The following EPB41L2 variants were observed in gnomAD, a reference collection of about 807,000 sequenced individuals.
EPB41L2 encodes the protein erythrocyte membrane protein band 4.1 like 2.
Under a neutral mutation model 113.0 loss-of-function variants are expected in EPB41L2, and 43 were observed. The ratio of observed to expected loss-of-function variants is 0.38; its 90% CI spans 0.30 to 0.49. EPB41L2 has a LOEUF of 0.49. EPB41L2 is among the 20% of genes least tolerant of loss of function. The pLI is 0.95. For missense variants in EPB41L2, 1,147 were observed against 1,223.4 expected (o/e 0.94, Z 0.93); for synonymous variants, 442 against 436.7 (o/e 1.01, Z -0.15).
chr6:130,862,105 T>G (rs1406621515), intron 18 of EPB41L2, among the ~76,000 whole-genome samples: 1 of 152,234 alleles, frequency 6.6e-6, no homozygotes, highest in Admixed American at 6.5e-5. Context: ...GATTGTGTTT[T>G]TAATATTTGC....
At chr6:131,010,506 G>A (rs1786685645) in intron 1 of EPB41L2, among the ~76,000 whole-genome samples, 1 of 151,122 alleles carries the variant, frequency 6.6e-6, no homozygotes, top group Non-Finnish European at 1.5e-5. Context: ...TCTGCCTCCT[G>A]GGTTCAGGTA....
chr6:131,038,839 T>C (rs1207400769), intron 1 of EPB41L2, among the ~76,000 whole-genome samples: 1 of 152,184 alleles, frequency 6.6e-6, no homozygotes, highest in Non-Finnish European at 1.5e-5. Flanking sequence ...AAAAGAGTCA[T>C]GATAGTGACT....
Position 130,955,153 on chromosome 6 carries a change from C to T in EPB41L2, c.657G>A (p.Gln219=). 1 of 1,614,182 alleles carries T rather than the reference C, an allele frequency of 6.2e-7. No homozygotes were observed. ...QKVTKKTKTV[Q]CKVTLLDGTE... ...TGCCATCTAAGAGGGTCACTTTACA[C>T]TGGACAGTTTTGGTCTTCTTGGTGA... Residue 219 remains glutamine, a synonymous_variant, in exon 3 of 20, where the codon CAG becomes CAA. Transcript: ENST00000337057.
intron 1 of EPB41L2, among the ~76,000 whole-genome samples, chr6:130,975,247 G>A (rs896302092): frequency 3.9e-5 from 6 of 152,132 alleles, no homozygotes; most frequent in South Asian, 4.2e-4. Flanking sequence ...GTCATGTTTC[G>A]ACAATGTCTC....
At chr6:131,046,210 A>G (rs555698480) in intron 1 of EPB41L2, among the ~76,000 whole-genome samples, 134 of 151,478 alleles carry the variant, frequency 8.8e-4, no homozygotes, top group Non-Finnish European at 1.6e-3. Flanking sequence ...ACGAGCCACT[A>G]TGCCCTGGCT....
Position 130,894,324 on chromosome 6 carries a change from A to C in EPB41L2, c.1487+20T>G, listed in dbSNP as rs181405713. 6.2e-7 allele frequency: 1 copy of C among 1,600,604 alleles called. No homozygotes were observed. The highest frequency in any genetic ancestry group is 1.7e-5 in the Admixed American group (1 of 59,962). ...CATGTGCGATCATGCCCGGCTTCCG[A>C]GCTGTTTTCCTAAAATTACCTGTAG... On this transcript the variant is annotated intron_variant, in intron 10 of 19. Coordinates refer to ENST00000337057, the MANE Select transcript of EPB41L2 (RefSeq NM_001431.4).
In EPB41L2 at chr6:130,974,717, C is replaced by CTTTTTTTTTTTTTTTTTTTTTTTT. The variant is rs71030723; in HGVS notation, c.-14-18242_-14-18219dup. On this transcript the variant is annotated intron_variant, in intron 1 of 19. Transcript: ENST00000337057. ...GGCAGCCTCTTTTTTCTTTTCTTTT[C>CTTTTTTTTTTTTTTTTTTTTTTTT]TTTTTTTTTTTTTTTTTTTTTTTTT... 2.0e-3 allele frequency among the ~76,000 whole-genome samples: 129 copies of CTTTTTTTTTTTTTTTTTTTTTTTT among 64,660 alleles called. 18 individuals are homozygous for CTTTTTTTTTTTTTTTTTTTTTTTT. Among genetic ancestry groups the CTTTTTTTTTTTTTTTTTTTTTTTT allele is most frequent in the Non-Finnish European group, 2.7e-3 (100 of 36,686 alleles). 42.4% of individuals were successfully genotyped at this position (64,660 alleles called of 152,430 possible).
chr6:130,938,810 A>G (rs950822207), intron 3 of EPB41L2, among the ~76,000 whole-genome samples: 11 of 152,210 alleles, frequency 7.2e-5, no homozygotes, highest in Non-Finnish European at 1.3e-4. Flanking sequence ...AGTACAGGTA[A>G]TTCACACACT....
At chr6:130,932,918 A>G (rs1807400730) in intron 3 of EPB41L2, among the ~76,000 whole-genome samples, 1 of 152,234 alleles carries the variant, frequency 6.6e-6, no homozygotes, top group Admixed American at 6.5e-5. Flanking sequence ...TGGACTACCA[A>G]CCCATAATGT....
chr6:130,845,446 T>C (rs113975537), intron 19 of EPB41L2, among the ~76,000 whole-genome samples: 1,572 of 152,192 alleles, frequency 0.01, 36 homozygotes, highest in African/African-American at 0.036. Flanking sequence ...GGTGCAATCA[T>C]AGCTCACTGC....
intron 3 of EPB41L2, among the ~76,000 whole-genome samples, chr6:130,948,176 C>T (rs1035992426): frequency 6.6e-6 from 1 of 152,120 alleles, no homozygotes; most frequent in African/African-American, 2.4e-5. Context: ...TAAATTAATA[C>T]AGTCATAAAA....
At chr6:131,062,441 G>A (rs1029086879) in intron 1 of EPB41L2, 2 of 152,006 alleles carry the variant, frequency 1.3e-5, no homozygotes, top group Non-Finnish European at 2.9e-5. Context: ...GCCATCTGTG[G>A]TGAGATGGCC....
chr6:130,848,199 T>TCACACACACACACACA (rs66469665), intron 19 of EPB41L2, among the ~76,000 whole-genome samples: 1 of 113,506 alleles, frequency 8.8e-6, no homozygotes, highest in African/African-American at 4.0e-5. Flanking sequence ...TCTCTCTCTC[T>TCACACACACACACACA]CACACACACA....
At chr6:131,029,391 T>TA (rs757528439) in intron 1 of EPB41L2, among the ~76,000 whole-genome samples, 6,415 of 119,332 alleles carry the variant, frequency 0.054, 274 homozygotes, top group East Asian at 0.098. Flanking sequence ...AGCATTTGTT[T>TA]AAAAAAAAAA....
At chr6:130,874,954 G>T (rs565341564) in intron 14 of EPB41L2, among the ~76,000 whole-genome samples, 4 of 152,278 alleles carry the variant, frequency 2.6e-5, no homozygotes, top group Non-Finnish European at 5.9e-5. Context: ...TGAAAAATAC[G>T]TAATATTTCA....
At chr6:130,985,532 G>A (rs1273191269) in intron 1 of EPB41L2, among the ~76,000 whole-genome samples, 2 of 152,142 alleles carry the variant, frequency 1.3e-5, no homozygotes, top group Admixed American at 6.5e-5. Context: ...GACGTCTCCT[G>A]CAGCAGGTAG....
At chr6:130,998,272 A>G (rs1783599506) in intron 1 of EPB41L2, among the ~76,000 whole-genome samples, 1 of 152,232 alleles carries the variant, frequency 6.6e-6, no homozygotes, top group Non-Finnish European at 1.5e-5. Context: ...ATGAAAATCA[A>G]ATAATTTTCA....
At chr6:130,888,879 A>G (rs75349418) in intron 11 of EPB41L2, among the ~76,000 whole-genome samples, 2,350 of 152,336 alleles carry the variant, frequency 0.015, 28 homozygotes, top group Non-Finnish European at 0.024. Flanking sequence ...TTCAGGATTT[A>G]ATAACTATAT....
intron 1 of EPB41L2, among the ~76,000 whole-genome samples, chr6:131,026,577 G>T (rs983950158): frequency 6.6e-5 from 10 of 152,192 alleles, no homozygotes; most frequent in African/African-American, 2.4e-4. Flanking sequence ...GGGCTAAAGA[G>T]AACTGAACAA....
Sources: allele counts gnomAD v4.1 joint callset (sites outside exome capture counted in the v4.1 genomes callset), GRCh38; gene constraint gnomAD v4.1.1; transcripts MANE v1.5; gene names NCBI Gene and HGNC (gene_info 2026-07-23, HGNC 2026-07-21).